Variants in KIRREL3 observed in about 807,000 individuals in gnomAD.
KIRREL3 encodes kirre like nephrin family adhesion molecule 3.
Under a neutral mutation model 89.7 loss-of-function variants are expected in KIRREL3, and 36 were observed. The observed-to-expected ratio is 0.40, with a 90% CI of 0.31 to 0.53. The LOEUF (loss-of-function observed/expected upper bound fraction) is 0.53, where lower values mean the gene tolerates loss of function less well. KIRREL3 is among the 20% of genes least tolerant of loss of function. The probability of loss-of-function intolerance (pLI) is 0.49; values close to 1 mark genes in which losing one functional copy is unlikely to be tolerated. For missense variants in KIRREL3, 864 were observed against 1,056.6 expected (o/e 0.82, Z 2.53); for synonymous variants, 445 against 441.4 (o/e 1.01, Z -0.10).
rs1954975677 is a variant in KIRREL3, at chr11:126,427,184, G to A, written c.1807-1460C>T. Among the ~76,000 whole-genome samples the A allele has an allele frequency of 1.3e-5, 2 of 152,134 alleles. No individual in the cohort carries two copies. The highest frequency in any genetic ancestry group is 2.4e-5 in the African/African-American group (1 of 41,416). On this transcript the variant is annotated intron_variant, in intron 15 of 16. Transcript: ENST00000525144. The surrounding 1 kb of genome is among the most constrained non-coding windows in gnomAD (Gnocchi z 5.3). ...CATGATTAAGCTTAAGTATAGAGAC[G>A]TCATCCCTTCTCACATCTAGGCTGT... is the stretch of plus-strand genomic sequence containing the variant.
In KIRREL3 at chr11:126,489,630, C is replaced by T. The variant is rs529521776; in HGVS notation, c.434-16164G>A. ...TTTGGACCCAGGACAGCTGGTGTCC[C>T]CTGGCTTTCCTGAGACCTTGGACGT... On this transcript the variant is annotated intron_variant, in intron 4 of 16. Transcript: ENST00000525144. This position sits in a 1 kb window ranked among gnomAD's most constrained non-coding sequence, Gnocchi z 5.5. Among the ~76,000 whole-genome samples, 3 of 152,196 alleles carry T rather than the reference C, an allele frequency of 2.0e-5. No homozygotes were observed. In the South Asian group the frequency reaches 6.2e-4, roughly 32 times the overall value.
rs904769489 is a variant in KIRREL3 at position 126,976,016 on chromosome 11, T to C, written c.55+24439A>G. On this transcript the variant is annotated intron_variant, in intron 1 of 16. Coordinates refer to ENST00000525144, the MANE Select transcript of KIRREL3 (RefSeq NM_032531.4). This position sits in a 1 kb window ranked among gnomAD's most constrained non-coding sequence, Gnocchi z 4.2. ...TTTGTAAATGGCTAAGGTGTGGCTC[T>C]CAGGACAGAGCATACCCATTCCAGA... 6.6e-6 allele frequency among the ~76,000 whole-genome samples: 1 copy of C among 150,898 alleles called. No homozygotes were observed. Among genetic ancestry groups the C allele is most frequent in the Admixed American group, 6.6e-5 (1 of 15,072 alleles).
rs1319162482 is a variant in KIRREL3, at chr11:126,995,721, T to C, written c.55+4734A>G. Among the ~76,000 whole-genome samples the C allele has an allele frequency of 1.3e-5, 2 of 152,232 alleles. No homozygotes were observed. Among genetic ancestry groups the C allele is most frequent in the Non-Finnish European group, 2.9e-5 (2 of 68,046 alleles). ...CATTAGTATTGTTATTATTTTGCTA[T>C]TGAAATCTCTTCAATTCGCTCTGGA... On this transcript the variant is annotated intron_variant, in intron 1 of 16. Transcript: ENST00000525144. This position sits in a 1 kb window ranked among gnomAD's most constrained non-coding sequence, Gnocchi z 6.5.
intron 1 of KIRREL3, among the ~76,000 whole-genome samples, chr11:126,582,239 G>A (rs544824715): frequency 4.6e-5 from 7 of 152,314 alleles, no homozygotes; most frequent in Non-Finnish European, 7.4e-5. Flanking sequence ...TGCATGGCCT[G>A]TCCTCTCAGT....
At chr11:126,472,731 A>AGAGAGAGAGAGC (rs1416539561) in intron 5 of KIRREL3, among the ~76,000 whole-genome samples, 15 of 151,556 alleles carry the variant, frequency 9.9e-5, no homozygotes, top group African/African-American at 3.4e-4. Context: ...AGAGAGAGAG[A>AGAGAGAGAGAGC]GCACAAGTCA....
intron 1 of KIRREL3, among the ~76,000 whole-genome samples, chr11:126,833,391 C>T (rs910697263): frequency 3.9e-5 from 6 of 152,222 alleles, no homozygotes; most frequent in African/African-American, 1.2e-4. Flanking sequence ...TGCAGGTCTG[C>T]GCAGCCAGAT....
chr11:126,552,809 C>A (rs1444713701), intron 2 of KIRREL3, among the ~76,000 whole-genome samples: 3 of 151,852 alleles, frequency 2.0e-5, no homozygotes, highest in Admixed American at 6.6e-5. Context: ...GTGATCCACC[C>A]GCCTCAGCCT....
intron 5 of KIRREL3, among the ~76,000 whole-genome samples, chr11:126,470,620 T>C (rs1156651076): frequency 6.6e-6 from 1 of 151,980 alleles, no homozygotes; most frequent in Non-Finnish European, 1.5e-5. Context: ...GACTGGTGGG[T>C]AGGGGGAACC....
intron 1 of KIRREL3, among the ~76,000 whole-genome samples, chr11:126,966,067 G>A (rs979940011): frequency 6.6e-6 from 1 of 152,164 alleles, no homozygotes; most frequent in Non-Finnish European, 1.5e-5. Context: ...GCTGATGCCA[G>A]GGTCTGAGGA....
rs1210627803 is a variant in KIRREL3, at chr11:126,535,514, T to A, written c.134-8827A>T. ...TCATTTTGCCATGGAAGGCGCAGAT[T>A]ACAAGGGCCACGTCACTCGGTGTGA... On this transcript the variant is annotated intron_variant, in intron 2 of 16. Coordinates refer to ENST00000525144, the MANE Select transcript of KIRREL3 (RefSeq NM_032531.4). The surrounding 1 kb of genome is among the most constrained non-coding windows in gnomAD (Gnocchi z 4.5). 1.3e-5 allele frequency among the ~76,000 whole-genome samples: 2 copies of A among 152,102 alleles called. No individual in the cohort carries two copies. Among genetic ancestry groups the A allele is most frequent in the South Asian group, 2.1e-4 (1 of 4,830 alleles).
intron 1 of KIRREL3, among the ~76,000 whole-genome samples, chr11:126,573,817 A>C (rs1437965218): frequency 1.3e-5 from 2 of 152,188 alleles, no homozygotes; most frequent in African/African-American, 4.8e-5. Context: ...TCAAGAGAGG[A>C]AAGGAATAAC....
At chr11:126,911,113 A>G (rs532457677) in intron 1 of KIRREL3, among the ~76,000 whole-genome samples, 204 of 152,290 alleles carry the variant, frequency 1.3e-3, no homozygotes, top group Non-Finnish European at 8.1e-4. Flanking sequence ...AAGCAGCCCC[A>G]AGGTTCAAGG....
chr11:126,526,089 T>C lies in KIRREL3; in HGVS notation c.283+449A>G, dbSNP rs1958741818. Among the ~76,000 whole-genome samples, 2 of 152,208 alleles carry C rather than the reference T, an allele frequency of 1.3e-5. No homozygotes were observed. Among genetic ancestry groups the C allele is most frequent in the Non-Finnish European group, 2.9e-5 (2 of 68,038 alleles). On this transcript the variant is annotated intron_variant, in intron 3 of 16. Coordinates refer to ENST00000525144, the MANE Select transcript of KIRREL3 (RefSeq NM_032531.4). This position sits in a 1 kb window ranked among gnomAD's most constrained non-coding sequence, Gnocchi z 5.7. ...GCTCCTAAGATCAACTAGGTGTCTT[T>C]GTGAGTTTTCAGTTTACTTGGTTCC...
chr11:126,926,104 C>T (rs1344396730), intron 1 of KIRREL3, among the ~76,000 whole-genome samples: 1 of 152,220 alleles, frequency 6.6e-6, no homozygotes, highest in Non-Finnish European at 1.5e-5. Flanking sequence ...TGGGCCTCAG[C>T]CCATCGCTCC....
rs575467478 is a variant in KIRREL3 at position 126,925,203 on chromosome 11, C to A, written c.55+75252G>T. Among the ~76,000 whole-genome samples, 13 of 152,200 alleles carry A rather than the reference C, an allele frequency of 8.5e-5. No homozygotes were observed. The East Asian group carries it at 2.5e-3, about 30-fold the overall frequency. ...TCCACCTGCCACACACCATTGCAAC[C>A]CCCTGGTAACAGAAAGGTTCCCTTC... On this transcript the variant is annotated intron_variant, in intron 1 of 16. Coordinates refer to ENST00000525144, the MANE Select transcript of KIRREL3 (RefSeq NM_032531.4).
chr11:126,449,048 G>A lies in KIRREL3; in HGVS notation c.958C>T (p.Leu320=). ...GTGCGGCTGAGGTTGGTGCTGCCCA[G>A]GGCGTTGGTCACCTCACAGGAGACG... ...EPVSCEVTNA[L]GSTNLSRTVD... The change falls in exon 8 of 17, where the codon CTG becomes TTG. Residue 320 remains leucine, a synonymous_variant. Transcript: ENST00000525144. 2.5e-6 allele frequency: 4 copies of A among 1,613,806 alleles called. No individual in the cohort carries two copies. Among genetic ancestry groups the A allele is most frequent in the Non-Finnish European group, 3.4e-6 (4 of 1,179,718 alleles).
Position 126,526,657 on chromosome 11 carries a change from T to A in KIRREL3, c.164A>T (p.Gln55Leu). The change falls in exon 3 of 17, where the codon CAG becomes CTG. Residue 55 changes from glutamine to leucine, a missense_variant. Transcript: ENST00000525144. The surrounding 1 kb of genome is among the most constrained non-coding windows in gnomAD (Gnocchi z 5.7). The part of the protein sequence containing the change: ...GQVYSFSQQP[Q>L]DQVVVSGQPV... ...CTGTCCCGACACCACCACCTGGTCC[T>A]GGGGCTGCTGGCTGAAGGAATAGAC... 1 of 1,575,068 alleles carries A rather than the reference T, an allele frequency of 6.3e-7. No individual in the cohort carries two copies. Among genetic ancestry groups the A allele is most frequent in the Non-Finnish European group, 8.6e-7 (1 of 1,160,238 alleles).
At chr11:126,460,403 A>C (rs537022071) in intron 6 of KIRREL3, among the ~76,000 whole-genome samples, 1 of 152,308 alleles carries the variant, frequency 6.6e-6, no homozygotes, top group South Asian at 2.1e-4. Flanking sequence ...AAGCATGATT[A>C]CTTCCATGTA....
Position 126,429,559 on chromosome 11 carries a change from A to C in KIRREL3, c.1697-271T>G, listed in dbSNP as rs1955054629. Among the ~76,000 whole-genome samples, 1 of 152,192 alleles carries C rather than the reference A, an allele frequency of 6.6e-6. No homozygotes were observed. The highest frequency in any genetic ancestry group is 2.4e-5 in the African/African-American group (1 of 41,450). On this transcript the variant is annotated intron_variant, in intron 14 of 16. Transcript: ENST00000525144. The surrounding 1 kb of genome is among the most constrained non-coding windows in gnomAD (Gnocchi z 5.2). ...ACCCTTGGCTTGAAAGATCGTCTTCAGCCACTTGTCCGCCTTACTGAGCTA... is the reference window on the plus strand; with the variant it reads ...ACCCTTGGCTTGAAAGATCGTCTTCCGCCACTTGTCCGCCTTACTGAGCTA...
Sources: allele counts gnomAD v4.1 joint callset (sites outside exome capture counted in the v4.1 genomes callset), GRCh38; gene constraint gnomAD v4.1.1; non-coding constraint Gnocchi (gnomAD v3.1); transcripts MANE v1.5; gene names NCBI Gene and HGNC (gene_info 2026-07-23, HGNC 2026-07-21).